KCNH7: variants seen among roughly 807,000 people sequenced by gnomAD.
The protein encoded by KCNH7 is potassium voltage-gated channel subfamily H member 7.
KCNH7 carries 49 observed loss-of-function variants against 120.8 expected under a neutral mutation model. The observed-to-expected ratio is 0.41, with a 90% CI of 0.32 to 0.51. The LOEUF (loss-of-function observed/expected upper bound fraction) is 0.51, where lower values mean the gene tolerates loss of function less well. Ranked by LOEUF, KCNH7 falls within the 20% of genes least tolerant of loss-of-function variation. The pLI, the probability that KCNH7 is intolerant of heterozygous loss-of-function variation, is 0.38. For missense variants in KCNH7, 1,097 were observed against 1,446.6 expected, an observed-to-expected ratio of 0.76 and a Z score of 3.92; for synonymous variants, 547 against 516.1, an observed-to-expected ratio of 1.06 and a Z score of -0.81.
intron 15 of KCNH7, 79 bp from the exon 16 acceptor site, chr2:162,372,174 A>G: frequency 1.7e-6 from 2 of 1,175,548 alleles, no homozygotes; most frequent in Non-Finnish European, 1.2e-6. Flanking sequence ...ATAAAAACTT[A>G]AGCATTTTCT....
chr2:162,787,996 C>T (rs1366955796), intron 2 of KCNH7, among the ~76,000 whole-genome samples: 1 of 150,184 alleles, frequency 6.7e-6, no homozygotes, highest in African/African-American at 2.5e-5. Context: ...CTTTCTTTGC[C>T]AAATACAATA....
chr2:162,818,294 T>C (rs1023045928), intron 2 of KCNH7, among the ~76,000 whole-genome samples: 2 of 152,030 alleles, frequency 1.3e-5, no homozygotes, highest in South Asian at 2.1e-4. Flanking sequence ...CACAGTATAA[T>C]GCAGGGGTCA....
intron 2 of KCNH7, among the ~76,000 whole-genome samples, chr2:162,699,757 T>C (rs2105341089): frequency 6.6e-6 from 1 of 152,298 alleles, no homozygotes; most frequent in South Asian, 2.1e-4. Context: ...TTCCTGTTCC[T>C]GGTGAACACA....
chr2:162,821,752 A>G (rs1279813924), intron 2 of KCNH7, among the ~76,000 whole-genome samples: 1 of 152,158 alleles, frequency 6.6e-6, no homozygotes, highest in Non-Finnish European at 1.5e-5. Flanking sequence ...ATTTACATCT[A>G]CATACTTTCT....
intron 2 of KCNH7, among the ~76,000 whole-genome samples, chr2:162,750,501 TTAACA>T (rs1688500857): frequency 6.6e-6 from 1 of 152,128 alleles, no homozygotes; most frequent in Admixed American, 6.5e-5. Context: ...AGTCAGATAA[TTAACA>T]TAACCCATAA....
At chr2:162,640,156 A>T (rs1300337601) in intron 2 of KCNH7, among the ~76,000 whole-genome samples, 1 of 152,168 alleles carries the variant, frequency 6.6e-6, no homozygotes, top group African/African-American at 2.4e-5. Context: ...AATTCTTATC[A>T]AGATCCCAGC....
At chr2:162,604,150 C>T (rs765142892) in intron 2 of KCNH7, among the ~76,000 whole-genome samples, 6 of 152,002 alleles carry the variant, frequency 3.9e-5, no homozygotes, top group Non-Finnish European at 7.4e-5. Flanking sequence ...GAAAAAATTA[C>T]ACATTATCCC....
At chr2:162,380,581 C>T (rs1439886446) in intron 13 of KCNH7, among the ~76,000 whole-genome samples, 3 of 152,082 alleles carry the variant, frequency 2.0e-5, no homozygotes, top group African/African-American at 7.2e-5. Context: ...TTTTACAAGT[C>T]CCCTAGTCCC....
chr2:162,760,555 T>C (rs944043818), intron 2 of KCNH7, among the ~76,000 whole-genome samples: 3 of 152,072 alleles, frequency 2.0e-5, no homozygotes, highest in Non-Finnish European at 4.4e-5. Flanking sequence ...AAGTCCAAAA[T>C]ACTATAAATT....
chr2:162,666,149 A>G (rs992890846), intron 2 of KCNH7, among the ~76,000 whole-genome samples: 50 of 152,262 alleles, frequency 3.3e-4, no homozygotes, highest in African/African-American at 1.1e-3. Flanking sequence ...CTAGAAGGCA[A>G]CTAAACTTAA....
intron 2 of KCNH7, among the ~76,000 whole-genome samples, chr2:162,569,534 T>C (rs1049428637): frequency 1.4e-5 from 2 of 140,366 alleles, no homozygotes; most frequent in Admixed American, 7.3e-5. Context: ...TTTCCTTCAG[T>C]TCTGCTCTGA....
intron 2 of KCNH7, among the ~76,000 whole-genome samples, chr2:162,639,508 A>C (rs1250498582): frequency 6.6e-6 from 1 of 152,120 alleles, no homozygotes; most frequent in Non-Finnish European, 1.5e-5. Flanking sequence ...CATGCATACA[A>C]GTAGCACATT....
At chr2:162,378,412 T>C (rs542178200) in intron 14 of KCNH7, among the ~76,000 whole-genome samples, 1 of 152,340 alleles carries the variant, frequency 6.6e-6, no homozygotes, top group African/African-American at 2.4e-5. Flanking sequence ...CATTCACTTG[T>C]GTGTTCAACA....
intron 6 of KCNH7, among the ~76,000 whole-genome samples, chr2:162,493,594 A>G (rs930136068): frequency 1.1e-4 from 16 of 152,168 alleles, no homozygotes; most frequent in Admixed American, 6.5e-5. Context: ...CTAGGGACAT[A>G]TGGAATTAAC....
At chr2:162,517,181 C>T (rs1347044809) in intron 4 of KCNH7, among the ~76,000 whole-genome samples, 1 of 151,712 alleles carries the variant, frequency 6.6e-6, no homozygotes, top group Non-Finnish European at 1.5e-5. Flanking sequence ...CTTTTCAAGT[C>T]GATTTTTGTT....
intron 2 of KCNH7, among the ~76,000 whole-genome samples, chr2:162,808,971 A>G (rs1270095756): frequency 1.3e-5 from 2 of 152,134 alleles, no homozygotes; most frequent in African/African-American, 4.8e-5. Flanking sequence ...GAGGGTGAAG[A>G]CTGTTCCATA....
intron 2 of KCNH7, among the ~76,000 whole-genome samples, chr2:162,816,657 TAA>T (rs1460488872): frequency 6.6e-6 from 1 of 152,172 alleles, no homozygotes; most frequent in Admixed American, 6.5e-5. Context: ...CTATAAGAAA[TAA>T]GTGTGGATAG....
At chr2:162,752,936 AAG>A (rs1272211800) in intron 2 of KCNH7, among the ~76,000 whole-genome samples, 11 of 93,682 alleles carry the variant, frequency 1.2e-4, no homozygotes, top group South Asian at 3.3e-4. Flanking sequence ...AAGAAAAGAA[AAG>A]AAAAGAAAAG....
chr2:162,573,162 G>C (rs550197455), intron 2 of KCNH7, among the ~76,000 whole-genome samples: 1 of 151,968 alleles, frequency 6.6e-6, no homozygotes, highest in Non-Finnish European at 1.5e-5. Flanking sequence ...GAAATGTGCA[G>C]GAAAAACTTT....
Sources: gnomAD v4.1 joint callset for allele counts (sites outside exome capture counted in the v4.1 genomes callset) on GRCh38, gnomAD v4.1.1 for gene constraint, MANE v1.5 for transcripts, NCBI Gene and HGNC (gene_info 2026-07-23, HGNC 2026-07-21) for gene names.